Variants in KBTBD4 observed in about 807,000 individuals in gnomAD.
KBTBD4 encodes the protein kelch repeat and BTB domain containing 4.
Under a neutral mutation model 43.9 loss-of-function variants are expected in KBTBD4, and 30 were observed. The observed-to-expected ratio is 0.68, with a 90% confidence interval of 0.51 to 0.93. The LOEUF is 0.93. KBTBD4 is among the 40% of genes least tolerant of loss of function. The pLI is 0.00. For synonymous variants in KBTBD4, 258 were observed against 256.9 expected, an observed-to-expected ratio of 1.00 and a Z score of -0.04; for missense variants, 575 against 668.8, an observed-to-expected ratio of 0.86 and a Z score of 1.55.
At position 47,573,301 on chromosome 11, in the gene KBTBD4, G is replaced by C; in HGVS notation, c.1234C>G (p.Pro412Ala). The change falls in exon 4 of 4, where the codon CCT (proline) becomes GCT (alanine). Residue 412 changes from proline (P) to alanine (A), a missense_variant. Coordinates refer to ENST00000430070, the MANE Select transcript of KBTBD4 (RefSeq NM_018095.6). This position sits in a 1 kb window ranked among gnomAD's most constrained non-coding sequence, Gnocchi z 4.1. ...EENDLDFFTKPSRLIQCFDTE... is the reference protein window; with the variant it reads ...EENDLDFFTKASRLIQCFDTE... ...TCAAAGCACTGGATGAGTCGGGAAGGTTTGGTAAAGAAGTCCAGATCATTC... is the reference window on the plus strand; with the variant it reads ...TCAAAGCACTGGATGAGTCGGGAAGCTTTGGTAAAGAAGTCCAGATCATTC... 6.2e-7 allele frequency: 1 copy of C among 1,614,194 alleles called. No homozygotes were observed. Among genetic ancestry groups the C allele is most frequent in the Non-Finnish European group, 8.5e-7 (1 of 1,180,042 alleles).
intron 2 of KBTBD4, 121 bp downstream of exon 2, chr11:47,577,290 G>T: frequency 1.0e-6 from 1 of 974,692 alleles, no homozygotes; most frequent in Non-Finnish European, 1.5e-6. Context: ...CAGTAAGAAT[G>T]CAGGAATAAT....
Position 47,572,756 on chromosome 11 carries a change from G to T in KBTBD4, c.*174C>A. Reference sequence around the variant, plus strand: ...GTCAGTTCAAGCAACCAGCTGAGCAGCAGCAGTCTAAAAAGCCCCAAACAG... The same window carrying T: ...GTCAGTTCAAGCAACCAGCTGAGCATCAGCAGTCTAAAAAGCCCCAAACAG... On this transcript the variant is annotated 3_prime_UTR_variant, in exon 4 of 4. Coordinates refer to ENST00000430070, the MANE Select transcript of KBTBD4 (RefSeq NM_018095.6). 1 of 661,830 alleles carries T rather than the reference G, an allele frequency of 1.5e-6. No homozygotes were observed. The highest frequency in any genetic ancestry group is 2.5e-6 in the Non-Finnish European group (1 of 393,980). 41.0% of individuals were successfully genotyped at this position (661,830 alleles called of 1,614,324 possible). A position where few individuals can be genotyped will look rare whatever the true frequency, so the allele number is the denominator to read the frequency against.
At position 47,577,680 on chromosome 11, in the gene KBTBD4, G is replaced by C. The variant is rs764718778; in HGVS notation, c.368C>G (p.Thr123Ser). 14 of 1,614,062 alleles carry C rather than the reference G, an allele frequency of 8.7e-6. No homozygotes were observed. Among genetic ancestry groups the C allele is most frequent in the Non-Finnish European group, 1.1e-5 (13 of 1,180,028 alleles). The change falls in exon 2 of 4, where the codon ACT becomes AGT. Residue 123 changes from threonine to serine, a missense_variant. Thr to Ser is a moderately conservative substitution (Grantham distance 58). Coordinates refer to ENST00000430070, the MANE Select transcript of KBTBD4 (RefSeq NM_018095.6). ...CAACTCCTCAGCTCGAAGTTTCACAGTCCCATGGTAGATATAATCAACCAG... is the reference window on the plus strand; with the variant it reads ...CAACTCCTCAGCTCGAAGTTTCACACTCCCATGGTAGATATAATCAACCAG... ...QLLVDYIYHG[T>S]VKLRAEELQE...
chr11:47,573,983 TG>T lies in KBTBD4; in HGVS notation c.745-194del, dbSNP rs2097254765. On this transcript the variant is annotated intron_variant, in intron 3 of 3. Transcript: ENST00000430070. The surrounding 1 kb of genome is among the most constrained non-coding windows in gnomAD (Gnocchi z 4.1). ...AATTTATGCCGGGCGGAGAATCTGTTGTATTCATCCTTGTAGCTTTTAAAAA... is the reference window on the plus strand; with the variant it reads ...AATTTATGCCGGGCGGAGAATCTGTTTATTCATCCTTGTAGCTTTTAAAAA... Among the ~76,000 whole-genome samples, 1 of 152,136 alleles carries T rather than the reference TG, an allele frequency of 6.6e-6. No individual in the cohort carries two copies. The highest frequency in any genetic ancestry group is 1.5e-5 in the Non-Finnish European group (1 of 68,030).
At chr11:47,574,370 A>C (rs2097255372) in intron 3 of KBTBD4, among the ~76,000 whole-genome samples, 1 of 151,884 alleles carries the variant, frequency 6.6e-6, no homozygotes, top group Non-Finnish European at 1.5e-5. Context: ...GGTGGTATGC[A>C]CCTGTAGTCC....
chr11:47,575,819 A>G (rs1353501279), intron 2 of KBTBD4, 120 bp from the exon 3 acceptor site: 1 of 619,302 alleles, frequency 1.6e-6, no homozygotes, highest in East Asian at 2.7e-5. Flanking sequence ...ATATGTGTAC[A>G]TGCATACATA....
At chr11:47,578,208 T>C (rs2097263894) in intron 1 of KBTBD4, 180 bp from the exon 2 acceptor site, 1 of 637,242 alleles carries the variant, frequency 1.6e-6, no homozygotes, top group African/African-American at 1.8e-5. Context: ...CTGGGTTCGT[T>C]ATCCCCAGTG....
At chr11:47,576,248 G>T (rs1157972054) in intron 2 of KBTBD4, among the ~76,000 whole-genome samples, 1 of 133,754 alleles carries the variant, frequency 7.5e-6, no homozygotes, top group East Asian at 2.4e-4. Context: ...CTCACTGCAA[G>T]CTCCACCTCC....
intron 3 of KBTBD4, among the ~76,000 whole-genome samples, chr11:47,574,689 A>G (rs937312235): frequency 5.3e-5 from 8 of 151,342 alleles, no homozygotes; most frequent in African/African-American, 1.9e-4. Flanking sequence ...ACCCATCTCT[A>G]CTAAAAATAC....
chr11:47,575,332 C>A (rs2097257091), intron 3 of KBTBD4, among the ~76,000 whole-genome samples: 1 of 151,628 alleles, frequency 6.6e-6, no homozygotes. Context: ...CACGATGAAA[C>A]CCTGTCTCTA....
rs771167882 is a variant in KBTBD4 at position 47,577,581 on chromosome 11, C to T, written c.467G>A (p.Arg156His). 3.0e-5 allele frequency: 48 copies of T among 1,613,994 alleles called. No homozygotes were observed. The highest frequency in any genetic ancestry group is 3.8e-5 in the Non-Finnish European group (45 of 1,180,030). The change falls in exon 2 of 4, where the codon CGC (arginine) becomes CAC (histidine). Residue 156 changes from arginine to histidine, a missense_variant. Transcript: ENST00000430070. ...LFEECSRFLA[R>H]TVQVGNCLQV... ...AAGGCAGTTTCCCACTTGCACTGTGCGGGCCAAAAACCGAGAGCATTCCTC... is the reference window on the plus strand; with the variant it reads ...AAGGCAGTTTCCCACTTGCACTGTGTGGGCCAAAAACCGAGAGCATTCCTC...
intron 1 of KBTBD4, 182 bp downstream of exon 1, chr11:47,578,751 C>G (rs1035057098): frequency 6.7e-7 from 1 of 1,493,022 alleles, no homozygotes; most frequent in South Asian, 1.3e-5. Context: ...CCGCCCTCGT[C>G]AAAAGCTTGG....
Position 47,577,861 on chromosome 11 carries a change from C to A in KBTBD4, c.187G>T (p.Val63Phe), listed in dbSNP as rs2097263137. Residue 63 changes from valine (V) to phenylalanine (F), a missense_variant, in exon 2 of 4, where the codon GTC (valine) becomes TTC (phenylalanine). Coordinates refer to ENST00000430070, the MANE Select transcript of KBTBD4 (RefSeq NM_018095.6). Reference sequence around the variant, plus strand: ...TCCCGGCCTTCCACCGAAATGGTGACATCAGCAAAGAGCTCCTCCTCTAGA... The same window carrying A: ...TCCCGGCCTTCCACCGAAATGGTGAAATCAGCAAAGAGCTCCTCCTCTAGA... The part of the protein sequence containing the change: ...LCLEEELFAD[V>F]TISVEGREFQ... 3 of 1,614,230 alleles carry A rather than the reference C, an allele frequency of 1.9e-6. No individual in the cohort carries two copies. Among genetic ancestry groups the A allele is most frequent in the Non-Finnish European group, 2.5e-6 (3 of 1,180,050 alleles).
chr11:47,578,790 G>C, intron 1 of KBTBD4, 143 bp downstream of exon 1: 2 of 1,533,842 alleles, frequency 1.3e-6, no homozygotes, highest in Non-Finnish European at 1.8e-6. Flanking sequence ...GGTGTGTAGC[G>C]TAGAACCCAA....
In KBTBD4 at chr11:47,573,734, G is replaced by A. The variant is rs1329376916; in HGVS notation, c.801C>T (p.His267=). The A allele has an allele frequency of 2.5e-6, 4 of 1,594,518 alleles. No individual in the cohort carries two copies. The highest frequency in any genetic ancestry group is 3.4e-6 in the Non-Finnish European group (4 of 1,172,556). Residue 267 remains histidine, a synonymous_variant, in exon 4 of 4, where the codon CAC becomes CAT. Coordinates refer to ENST00000430070, the MANE Select transcript of KBTBD4 (RefSeq NM_018095.6). This position sits in a 1 kb window ranked among gnomAD's most constrained non-coding sequence, Gnocchi z 4.1. ...CACAGTGCAAGGACACAGCCAACGA[G>A]TGGGTACGAGATGACTCTTTCCCAA... The part of the protein sequence containing the change: ...YLIGKESSRT[H]SLAVSLHCAE...
At chr11:47,574,580 C>T (rs982285150) in intron 3 of KBTBD4, among the ~76,000 whole-genome samples, 1 of 152,106 alleles carries the variant, frequency 6.6e-6, no homozygotes, top group East Asian at 1.9e-4. Context: ...TTAGGCCAGG[C>T]GCATTGGCTC....
chr11:47,575,547 A>T, intron 3 of KBTBD4, 46 bp downstream of exon 3: 1 of 1,202,720 alleles, frequency 8.3e-7, no homozygotes, highest in Non-Finnish European at 1.2e-6. Flanking sequence ...GATGGCAAGA[A>T]TGCATGGAGA....
At chr11:47,574,881 C>A in intron 3 of KBTBD4, among the ~76,000 whole-genome samples, 1 of 3,834 alleles carries the variant, frequency 2.6e-4, no homozygotes, top group East Asian at 0.056. Flanking sequence ...GCAACAAGAG[C>A]GAAACTCCCA....
chr11:47,573,900 T>C lies in KBTBD4; in HGVS notation c.745-110A>G, dbSNP rs1326089676. 17 of 981,844 alleles carry C rather than the reference T, an allele frequency of 1.7e-5. No individual in the cohort carries two copies. Among genetic ancestry groups the C allele is most frequent in the South Asian group, 9.7e-5 (6 of 61,806 alleles). The allele number at this position is 981,844 out of a possible 1,614,324, so 60.8% of individuals were successfully genotyped here. A position where few individuals can be genotyped will look rare whatever the true frequency, so the allele number is the denominator to read the frequency against. ...CTCACACTTGTTCCTAGCTTTATCA[T>C]ACTACTCTCTAATTACTGTATGGCA... On this transcript the variant is annotated intron_variant, in intron 3 of 3. Coordinates refer to ENST00000430070, the MANE Select transcript of KBTBD4 (RefSeq NM_018095.6). This position sits in a 1 kb window ranked among gnomAD's most constrained non-coding sequence, Gnocchi z 4.1.
Sources: allele counts gnomAD v4.1 joint callset (sites outside exome capture counted in the v4.1 genomes callset), GRCh38; gene constraint gnomAD v4.1.1; non-coding constraint Gnocchi (gnomAD v3.1); transcripts MANE v1.5; gene names NCBI Gene and HGNC (gene_info 2026-07-23, HGNC 2026-07-21).